MCC: variants seen among roughly 807,000 people sequenced by gnomAD.
The protein encoded by MCC is colorectal mutant cancer protein.
Under a neutral mutation model 116.2 loss-of-function variants are expected in MCC, and 90 were observed. The ratio of observed to expected loss-of-function variants is 0.77; its 90% CI spans 0.65 to 0.92. MCC has a LOEUF of 0.92. Ranked by LOEUF, MCC falls within the 40% of genes least tolerant of loss-of-function variation. MCC has a pLI of 0.00. For missense variants in MCC, 1,516 were observed against 1,312.2 expected (o/e 1.16, Z -2.40); for synonymous variants, 578 against 510.5 (o/e 1.13, Z -1.78).
At chr5:113,169,683 T>C (rs1185416397) in intron 3 of MCC, among the ~76,000 whole-genome samples, 1 of 152,130 alleles carries the variant, frequency 6.6e-6, no homozygotes, top group South Asian at 2.1e-4. Flanking sequence ...TTAAAATGCA[T>C]TGACTTGACC....
chr5:113,080,122 A>G (rs1754746902), intron 11 of MCC, among the ~76,000 whole-genome samples: 1 of 152,278 alleles, frequency 6.6e-6, no homozygotes, highest in South Asian at 2.1e-4. Flanking sequence ...CACACCAGTT[A>G]GAATGGCAAT....
chr5:113,203,462 A>T (rs1159465215), intron 3 of MCC: 1 of 152,102 alleles, frequency 6.6e-6, no homozygotes, highest in Admixed American at 6.6e-5. Flanking sequence ...TCCCTTATCA[A>T]TAAGAGCTTT....
At chr5:113,034,119 C>A (rs1291475912) in intron 17 of MCC, among the ~76,000 whole-genome samples, 1 of 141,492 alleles carries the variant, frequency 7.1e-6, no homozygotes, top group African/African-American at 2.6e-5. Flanking sequence ...AGGCTGGTTG[C>A]AAACTACTGG....
At chr5:113,226,606 T>C (rs1369405831) in intron 3 of MCC, among the ~76,000 whole-genome samples, 2 of 152,248 alleles carry the variant, frequency 1.3e-5, no homozygotes, top group Non-Finnish European at 2.9e-5. Flanking sequence ...ACTACCATTT[T>C]AGAAGAAAAC....
chr5:113,294,333 C>G (rs1766633460), intron 3 of MCC: 2 of 1,613,774 alleles, frequency 1.2e-6, no homozygotes, highest in South Asian at 2.2e-5. Flanking sequence ...TCTTACCTCA[C>G]TCAGCTCGGC....
chr5:113,175,195 A>C (rs1404432443), intron 3 of MCC, among the ~76,000 whole-genome samples: 4 of 152,200 alleles, frequency 2.6e-5, no homozygotes, highest in Non-Finnish European at 5.9e-5. Flanking sequence ...ATAAATAGAC[A>C]TGTCAATAAA....
intron 4 of MCC, among the ~76,000 whole-genome samples, chr5:113,149,881 G>C (rs979802860): frequency 6.6e-6 from 1 of 152,178 alleles, no homozygotes; most frequent in African/African-American, 2.4e-5. Flanking sequence ...CAAGGCTGAT[G>C]TATCTGAGAA....
At position 113,343,405 on chromosome 5, in the gene MCC, A is replaced by T. The variant is rs143627705; in HGVS notation, c.416-2675T>A. Among the ~76,000 whole-genome samples, 709 of 152,340 alleles carry T rather than the reference A, an allele frequency of 4.7e-3. 3 individuals carry two copies. The highest frequency in any genetic ancestry group is 0.016 in the African/African-American group (683 of 41,578). ...TGCAAGGCAGGTTCTTCTTTCCTTAACATAGACTGCCAAATGCCTGCTCTC... is the reference window on the plus strand; with the variant it reads ...TGCAAGGCAGGTTCTTCTTTCCTTATCATAGACTGCCAAATGCCTGCTCTC... On this transcript the variant is annotated intron_variant, in intron 2 of 18. Coordinates refer to ENST00000408903, the MANE Select transcript of MCC (RefSeq NM_001085377.2).
chr5:113,077,069 C>G (rs1754508248), intron 11 of MCC, among the ~76,000 whole-genome samples: 1 of 152,132 alleles, frequency 6.6e-6, no homozygotes, highest in African/African-American at 2.4e-5. Context: ...AAGGCCATTA[C>G]ATAATGGTAA....
At chr5:113,160,374 T>TAAC (rs1197070349) in intron 3 of MCC, among the ~76,000 whole-genome samples, 1 of 152,258 alleles carries the variant, frequency 6.6e-6, no homozygotes, top group Non-Finnish European at 1.5e-5. Context: ...TTTTACTGGC[T>TAAC]AACACAACTG....
intron 5 of MCC, among the ~76,000 whole-genome samples, chr5:113,142,516 T>C (rs1026277368): frequency 2.6e-5 from 4 of 151,900 alleles, no homozygotes; most frequent in African/African-American, 9.7e-5. Flanking sequence ...CAGTTATTGT[T>C]ATGAAAAGAA....
chr5:113,295,981 A>G (rs1766699300), intron 3 of MCC, among the ~76,000 whole-genome samples: 1 of 152,092 alleles, frequency 6.6e-6, no homozygotes, highest in South Asian at 2.1e-4. Flanking sequence ...AATCATGTTT[A>G]TTTTGCTCTT....
At chr5:113,378,741 G>A (rs527253781) in intron 2 of MCC, among the ~76,000 whole-genome samples, 46 of 152,250 alleles carry the variant, frequency 3.0e-4, no homozygotes, top group African/African-American at 1.1e-3. Flanking sequence ...TAATTCACAT[G>A]TTTGACACAA....
chr5:113,353,953 C>G (rs10519354), intron 2 of MCC, among the ~76,000 whole-genome samples: 25,099 of 152,188 alleles, frequency 0.16, 2,656 homozygotes, highest in African/African-American at 0.29. Flanking sequence ...AAGCTTACCA[C>G]TGTTCCATTG....
chr5:113,265,857 C>A (rs150601883), intron 3 of MCC, among the ~76,000 whole-genome samples: 2 of 152,068 alleles, frequency 1.3e-5, no homozygotes, highest in Admixed American at 6.6e-5. Context: ...CAAATTCACA[C>A]GTCTAAGTGT....
rs763814471 is a variant in MCC at position 113,143,266 on chromosome 5, A to G, written c.836T>C (p.Ile279Thr). ...GTCTATCTTCTTGTTGAGCTCCGCAATGACGCTGTGGAGCTCTGTGATGCG... is the reference window on the plus strand; with the variant it reads ...GTCTATCTTCTTGTTGAGCTCCGCAGTGACGCTGTGGAGCTCTGTGATGCG... ...EERITELHSV[I>T]AELNKKIDRL... The change falls in exon 5 of 19, where the codon ATT becomes ACT. Residue 279 changes from isoleucine (I) to threonine (T), a missense_variant. Ile to Thr is a moderately conservative substitution (Grantham distance 89, BLOSUM62 -1). Transcript: ENST00000408903. 1.5e-5 allele frequency: 25 copies of G among 1,613,104 alleles called. No homozygotes were observed. The highest frequency in any genetic ancestry group is 2.2e-5 in the East Asian group (1 of 44,826).
intron 11 of MCC, among the ~76,000 whole-genome samples, chr5:113,081,141 T>C (rs560452852): frequency 5.3e-5 from 8 of 152,324 alleles, no homozygotes; most frequent in Non-Finnish European, 1.0e-4. Context: ...CCTCCAACTT[T>C]GAGGTAGTTA....
chr5:113,187,083 C>A (rs1158967304), intron 3 of MCC, among the ~76,000 whole-genome samples: 1 of 152,180 alleles, frequency 6.6e-6, no homozygotes, highest in East Asian at 1.9e-4. Flanking sequence ...TCAACATCTG[C>A]CCCAACCAAA....
At chr5:113,364,238 G>GAAAAAAAAAAAA (rs60976854) in intron 2 of MCC, among the ~76,000 whole-genome samples, 2 of 49,430 alleles carry the variant, frequency 4.0e-5, no homozygotes, top group African/African-American at 7.4e-5. Flanking sequence ...CTCAAAAACA[G>GAAAAAAAAAAAA]AAAAAAAAAA....
Sources: gnomAD v4.1 joint callset for allele counts (sites outside exome capture counted in the v4.1 genomes callset) on GRCh38, gnomAD v4.1.1 for gene constraint, MANE v1.5 for transcripts, NCBI Gene and HGNC (gene_info 2026-07-23, HGNC 2026-07-21) for gene names.